Variants in BOD1 observed in about 807,000 individuals in gnomAD.
BOD1 encodes biorientation of chromosomes in cell division protein 1.
In BOD1, 11 loss-of-function variants were observed where a neutral mutation model predicts 15.7. That is an observed-to-expected ratio of 0.70 (90% CI 0.44 to 1.16). The LOEUF (loss-of-function observed/expected upper bound fraction) is 1.16, where lower values mean the gene tolerates loss of function less well. BOD1 is among the 50% of genes most tolerant of loss of function. The probability of loss-of-function intolerance (pLI) is 0.00; values close to 1 mark genes in which losing one functional copy is unlikely to be tolerated. For synonymous variants in BOD1, 105 were observed against 103.5 expected (o/e 1.01, Z -0.09); for missense variants, 182 against 244.5 (o/e 0.74, Z 1.70).
intron 1 of BOD1, among the ~76,000 whole-genome samples, chr5:173,615,307 A>G (rs529018806): frequency 1.1e-4 from 16 of 152,240 alleles, no homozygotes; most frequent in South Asian, 1.0e-3. Context: ...CTTGGCAACT[A>G]GAGGCCAATA....
chr5:173,616,090 G>A (rs1277047113), intron 1 of BOD1, 110 bp downstream of exon 1: 54 of 1,404,756 alleles, frequency 3.8e-5, no homozygotes, highest in Non-Finnish European at 5.2e-5. Context: ...CCTCACCGCT[G>A]AGATTTCTAA....
At chr5:173,610,472 C>T (rs1755319794) in intron 2 of BOD1, among the ~76,000 whole-genome samples, 1 of 152,224 alleles carries the variant, frequency 6.6e-6, no homozygotes, top group Admixed American at 6.5e-5. Context: ...TGGTAACTAA[C>T]AGCTTATCGA....
rs768280096 is a variant in BOD1, at chr5:173,607,291, G to C, written c.*1003C>G. On this transcript the variant is annotated 3_prime_UTR_variant, in exon 4 of 4. Coordinates refer to ENST00000311086, the MANE Select transcript of BOD1 (RefSeq NM_138369.3). ...CCAGGTGCTACTTCTGCACACACAA[G>C]GATGACAAACACTGACACATACCAC... is the stretch of plus-strand genomic sequence containing the variant. Among the ~76,000 whole-genome samples, 13 of 152,270 alleles carry C rather than the reference G, an allele frequency of 8.5e-5. No homozygotes were observed. Among genetic ancestry groups the C allele is most frequent in the Admixed American group, 4.6e-4 (7 of 15,298 alleles).
intron 1 of BOD1, 64 bp downstream of exon 1, chr5:173,616,136 A>T: frequency 6.5e-7 from 1 of 1,538,722 alleles, no homozygotes; most frequent in Non-Finnish European, 8.8e-7. Context: ...TTCGAAAATC[A>T]AAGCTGCCAC....
Position 173,608,133 on chromosome 5 carries a change from CG to C in BOD1, c.*160del, listed in dbSNP as rs1755250746. On this transcript the variant is annotated 3_prime_UTR_variant, in exon 4 of 4. Coordinates refer to ENST00000311086, the MANE Select transcript of BOD1 (RefSeq NM_138369.3). ...GTGACACGGTCAACTCTCCCACTGC[CG>C]AACTTGCTCCCCTTTCAATCTGGTC... 1.6e-6 allele frequency: 1 copy of C among 616,874 alleles called. No individual in the cohort carries two copies. Among genetic ancestry groups the C allele is most frequent in the Non-Finnish European group, 2.7e-6 (1 of 367,778 alleles). The allele number at this position is 616,874 out of a possible 1,614,324, so 38.2% of individuals were successfully genotyped here.
At chr5:173,610,517 G>A (rs867068871) in intron 2 of BOD1, among the ~76,000 whole-genome samples, 3 of 152,196 alleles carry the variant, frequency 2.0e-5, no homozygotes, top group South Asian at 4.2e-4. Flanking sequence ...CACCACTAGA[G>A]CACTGAAGGG....
chr5:173,613,317 T>C (rs1581245070), intron 1 of BOD1, 62 bp from the exon 2 acceptor site: 1 of 1,589,202 alleles, frequency 6.3e-7, no homozygotes, highest in Non-Finnish European at 8.6e-7. Flanking sequence ...TTGAACTTAG[T>C]CTCTCAGAAC....
At chr5:173,609,478 G>T in intron 2 of BOD1, 44 bp from the exon 3 acceptor site, 1 of 1,309,028 alleles carries the variant, frequency 7.6e-7, no homozygotes, top group Non-Finnish European at 1.0e-6. Context: ...GTTCCTTCGG[G>T]ATTCATCTTT....
Position 173,616,443 on chromosome 5 carries a change from G to C in BOD1, c.-7C>G. 6.4e-7 allele frequency: 1 copy of C among 1,556,766 alleles called. No homozygotes were observed. The highest frequency in any genetic ancestry group is 1.2e-5 in the South Asian group (1 of 86,764). ...CGCCGCCGCCGTCCGCCATGGCTGC[G>C]CCCCGGGCCCACAAGGGAGAACGAC... is the stretch of plus-strand genomic sequence containing the variant. On this transcript the variant is annotated 5_prime_UTR_variant, in exon 1 of 4. Coordinates refer to ENST00000311086, the MANE Select transcript of BOD1 (RefSeq NM_138369.3).
chr5:173,616,326 G>C lies in BOD1; in HGVS notation c.111C>G (p.Gly37=). The C allele has an allele frequency of 6.5e-7, 1 of 1,532,870 alleles. No homozygotes were observed. Among genetic ancestry groups the C allele is most frequent in the Non-Finnish European group, 8.7e-7 (1 of 1,144,516 alleles). 95.0% of individuals were successfully genotyped at this position (1,532,870 alleles called of 1,614,324 possible). A position where few individuals can be genotyped will look rare whatever the true frequency, so the allele number is the denominator to read the frequency against. ...GAGGCAGCGAGGCCGGGTTGATGGG[G>C]CCACCGCCCCCGCTGGCCCCAGTAG... ...TGATGASGGG[G]PINPASLPPG... The change falls in exon 1 of 4, where the codon GGC becomes GGG. Residue 37 remains glycine (G), a synonymous_variant. Transcript: ENST00000311086.
intron 3 of BOD1, among the ~76,000 whole-genome samples, chr5:173,608,817 G>A (rs184516110): frequency 2.2e-3 from 331 of 152,242 alleles, no homozygotes; most frequent in Admixed American, 5.8e-3. Flanking sequence ...AAATCGAGTC[G>A]CACTCAAAGC....
At chr5:173,610,895 C>T (rs1456857812) in intron 2 of BOD1, among the ~76,000 whole-genome samples, 3 of 152,190 alleles carry the variant, frequency 2.0e-5, no homozygotes, top group Admixed American at 6.5e-5. Flanking sequence ...AGGAAGTTAG[C>T]GAGCTCTCTT....
At chr5:173,610,684 T>C (rs1341010986) in intron 2 of BOD1, among the ~76,000 whole-genome samples, 4 of 152,194 alleles carry the variant, frequency 2.6e-5, no homozygotes, top group Non-Finnish European at 5.9e-5. Context: ...ACCAAACCAC[T>C]TCCTGAGTCG....
intron 1 of BOD1, among the ~76,000 whole-genome samples, chr5:173,615,917 T>C (rs1368505996): frequency 6.6e-6 from 1 of 152,074 alleles, no homozygotes; most frequent in Non-Finnish European, 1.5e-5. Flanking sequence ...CTCAGAGGAG[T>C]TCCATCTTGG....
chr5:173,613,932 G>C (rs1367429130), intron 1 of BOD1, among the ~76,000 whole-genome samples: 1 of 152,238 alleles, frequency 6.6e-6, no homozygotes, highest in African/African-American at 2.4e-5. Flanking sequence ...GGGTGCCACA[G>C]GAGTGGGTGC....
chr5:173,616,219 A>C lies in BOD1; in HGVS notation c.218T>G (p.Leu73Arg), dbSNP rs760493084. The stretch of plus-strand genomic sequence containing the variant: ...AGCTACCTTGGTGTCCACGTCGGCC[A>C]GGCAGTCCCGGCGGAAGCTGTCAAA... ...GLFDSFRRDC[L>R]ADVDTKPAYQ... is the part of the protein sequence containing the mutation. The change falls in exon 1 of 4, where the codon CTG becomes CGG. Residue 73 changes from leucine (L) to arginine (R), a missense_variant. Physicochemically the swap from Leu to Arg is moderately radical, Grantham distance 102 (BLOSUM62 -2). Coordinates refer to ENST00000311086, the MANE Select transcript of BOD1 (RefSeq NM_138369.3). 4.4e-6 allele frequency: 7 copies of C among 1,578,998 alleles called. No homozygotes were observed. Among genetic ancestry groups the C allele is most frequent in the Non-Finnish European group, 6.0e-6 (7 of 1,163,282 alleles).
chr5:173,607,473 GT>G lies in BOD1; in HGVS notation c.*820del, dbSNP rs1755231003. On this transcript the variant is annotated 3_prime_UTR_variant, in exon 4 of 4. Transcript: ENST00000311086. ...TGGTGCACAGAGGCAGAAGACAAAG[GT>G]TGCCCTTCACAGACCTGAGGTTTAA... The G allele has an allele frequency of 6.6e-6, 1 of 152,174 alleles. No individual in the cohort carries two copies. Among genetic ancestry groups the G allele is most frequent in the Admixed American group, 6.5e-5 (1 of 15,288 alleles). The allele number at this position is 152,174 out of a possible 1,614,324, so 9.4% of individuals were successfully genotyped here.
chr5:173,610,824 G>C (rs766384556), intron 2 of BOD1, among the ~76,000 whole-genome samples: 1 of 152,154 alleles, frequency 6.6e-6, no homozygotes, highest in African/African-American at 2.4e-5. Context: ...TTTGGGAGGC[G>C]ATCGGGTCAT....
chr5:173,608,185 T>C lies in BOD1; in HGVS notation c.*109A>G, dbSNP rs558470050. Reference sequence around the variant, plus strand: ...ACTGCCCATGGTCAAGGTTGAAATCTTGAGATCAGTGACGACCTTGGCCTA... The same window carrying C: ...ACTGCCCATGGTCAAGGTTGAAATCCTGAGATCAGTGACGACCTTGGCCTA... On this transcript the variant is annotated 3_prime_UTR_variant, in exon 4 of 4. Coordinates refer to ENST00000311086, the MANE Select transcript of BOD1 (RefSeq NM_138369.3). The C allele has an allele frequency of 5.9e-6, 8 of 1,347,430 alleles. No individual in the cohort carries two copies. The highest frequency in any genetic ancestry group is 3.4e-5 in the Admixed American group (2 of 58,062). The allele number at this position is 1,347,430 out of a possible 1,614,324, so 83.5% of individuals were successfully genotyped here.
Sources: gnomAD v4.1 joint callset for allele counts (sites outside exome capture counted in the v4.1 genomes callset) on GRCh38, gnomAD v4.1.1 for gene constraint, MANE v1.5 for transcripts, NCBI Gene and HGNC (gene_info 2026-07-23, HGNC 2026-07-21) for gene names.